Variants in STAR observed in about 807,000 individuals in gnomAD.
STAR encodes the protein steroidogenic acute regulatory protein.
A neutral mutation model predicts 32.3 loss-of-function variants in STAR; 32 were observed. That is an observed-to-expected ratio of 0.99 (90% confidence interval 0.75 to 1.33). The LOEUF (loss-of-function observed/expected upper bound fraction) is 1.33, where lower values mean the gene tolerates loss of function less well. Among genes scored for constraint, STAR ranks in the 40% most tolerant of loss-of-function variants. The pLI, the probability that STAR is intolerant of heterozygous loss-of-function variation, is 0.00. For synonymous variants in STAR, 134 were observed against 140.5 expected (o/e 0.95, Z 0.33); for missense variants, 375 against 379.0 (o/e 0.99, Z 0.09).
At chr8:38,144,650 C>A in intron 6 of STAR, 2 of 1,284,356 alleles carry the variant, frequency 1.6e-6, no homozygotes, top group Non-Finnish European at 2.0e-6. Context: ...GCCTTTTTCA[C>A]CCTTCAGATC....
At chr8:38,145,883 G>A in intron 5 of STAR, 80 bp downstream of exon 5, 1 of 1,573,766 alleles carries the variant, frequency 6.4e-7, no homozygotes, top group South Asian at 1.1e-5. Flanking sequence ...TTGGAGCTGG[G>A]GATGCAGTCC....
intron 3 of STAR, among the ~76,000 whole-genome samples, chr8:38,147,233 C>T (rs1281108868): frequency 6.6e-6 from 1 of 151,988 alleles, no homozygotes; most frequent in Non-Finnish European, 1.5e-5. Context: ...AGCAATTCTC[C>T]AGTCTCGGCC....
Position 38,144,348 on chromosome 8 carries a change from G to A in STAR, c.783C>T (p.Ser261=), listed in dbSNP as rs1428890804. The change falls in exon 7 of 7, where the codon TCC becomes TCT. Residue 261 remains serine (S), a synonymous_variant. Transcript: ENST00000276449. ...LPKSIINQVL[S]QTQVDFANHL... is the part of the protein sequence containing the mutation. ...GGTTGGCAAAATCCACCTGGGTCTG[G>A]GACAGGACCTGGTTGATGATGCTCT... 1.9e-6 allele frequency: 3 copies of A among 1,608,362 alleles called. No homozygotes were observed. Among genetic ancestry groups the A allele is most frequent in the Non-Finnish European group, 2.5e-6 (3 of 1,177,584 alleles).
rs1418052923 is a variant in STAR, at chr8:38,150,799, T to C, written c.20A>G (p.Lys7Arg). ...TCTGTAGGAGCTCCCAGCGCACAGCTTGAATGTCGCTAGCAGCATTGTTTC... is the reference window on the plus strand; with the variant it reads ...TCTGTAGGAGCTCCCAGCGCACAGCCTGAATGTCGCTAGCAGCATTGTTTC... MLLATF[K>R]LCAGSSYRHM... The change falls in exon 1 of 7, where the codon AAG becomes AGG. Residue 7 changes from lysine (K) to arginine (R), a missense_variant. Physicochemically the swap from Lys to Arg is conservative, Grantham distance 26. Transcript: ENST00000276449. 6.2e-7 allele frequency: 1 copy of C among 1,606,670 alleles called. No individual in the cohort carries two copies. The highest frequency in any genetic ancestry group is 1.7e-5 in the Admixed American group (1 of 60,000).
intron 6 of STAR, 180 bp downstream of exon 6, chr8:38,145,042 A>T: frequency 6.9e-7 from 1 of 1,448,848 alleles, no homozygotes; most frequent in Non-Finnish European, 9.0e-7. Context: ...AGAGGGGGCC[A>T]TCACAGGCTT....
intron 3 of STAR, among the ~76,000 whole-genome samples, chr8:38,147,617 A>C (rs1802595962): frequency 6.6e-6 from 1 of 152,236 alleles, no homozygotes; most frequent in Non-Finnish European, 1.5e-5. Context: ...GAAGGGTTCT[A>C]CCTGAACTTT....
rs1424618799 is a variant in STAR at position 38,150,657 on chromosome 8, C to T, written c.64+98G>A. 3 of 1,580,058 alleles carry T rather than the reference C, an allele frequency of 1.9e-6. No individual in the cohort carries two copies. In the East Asian group the frequency reaches 6.7e-5, roughly 35 times the overall value. On this transcript the variant is annotated intron_variant, in intron 1 of 6. Transcript: ENST00000276449. ...AAGGGAAGAAACTTGCCCAGGTTCACCCAGTAAGAGGCACAACTAGGATCA... is the reference window on the plus strand; with the variant it reads ...AAGGGAAGAAACTTGCCCAGGTTCATCCAGTAAGAGGCACAACTAGGATCA...
chr8:38,150,189 G>A (rs761118365), intron 1 of STAR, among the ~76,000 whole-genome samples: 4 of 151,874 alleles, frequency 2.6e-5, no homozygotes, highest in Non-Finnish European at 5.9e-5. Flanking sequence ...CAAGACCAGC[G>A]TGACCAATAT....
intron 1 of STAR, among the ~76,000 whole-genome samples, chr8:38,149,991 T>C (rs1029021413): frequency 1.3e-5 from 2 of 151,924 alleles, no homozygotes; most frequent in Non-Finnish European, 2.9e-5. Context: ...CGTGGTGGCA[T>C]GCACCTGTAA....
chr8:38,145,225 G>C lies in STAR; in HGVS notation c.741C>G (p.Leu247=). The C allele has an allele frequency of 6.2e-7, 1 of 1,614,102 alleles. No individual in the cohort carries two copies. Among genetic ancestry groups the C allele is most frequent in the Admixed American group, 1.7e-5 (1 of 60,022 alleles). ...GTCCCCCTCCCATGCCCTTCACCTT[G>C]AGGTCGATGCTGAGTAGCCACGTAA... The part of the protein sequence containing the change: ...TKLTWLLSID[L]KGWLPKSIIN... The change falls in exon 6 of 7, where the codon CTC becomes CTG. Residue 247 remains leucine, a synonymous_variant. Coordinates refer to ENST00000276449, the MANE Select transcript of STAR (RefSeq NM_000349.3).
chr8:38,149,302 G>A (rs1802629492), intron 1 of STAR, among the ~76,000 whole-genome samples: 2 of 152,186 alleles, frequency 1.3e-5, no homozygotes, highest in Admixed American at 6.5e-5. Flanking sequence ...ACTGCCAGCT[G>A]CAGATCTAAG....
Position 38,147,095 on chromosome 8 carries a change from C to T in STAR, c.307-648G>A, listed in dbSNP as rs570369106. ...CTCAACCTCCTAGGCTCAAGAAATT[C>T]TCCTGCCTCGGCCTCCCAAGTAGCT... On this transcript the variant is annotated intron_variant, in intron 3 of 6. Coordinates refer to ENST00000276449, the MANE Select transcript of STAR (RefSeq NM_000349.3). Among the ~76,000 whole-genome samples, 367 of 151,962 alleles carry T rather than the reference C, an allele frequency of 2.4e-3. 10 individuals carry two copies. The highest frequency in any genetic ancestry group is 6.5e-4 in the Non-Finnish European group (44 of 67,986).
At chr8:38,146,477 G>T in intron 3 of STAR, 30 bp from the exon 4 acceptor site, 1 of 1,611,636 alleles carries the variant, frequency 6.2e-7, no homozygotes, top group Non-Finnish European at 8.5e-7. Flanking sequence ...CCAGAAGGTG[G>T]TTAGACAAAA....
At chr8:38,145,681 C>G (rs1470012808) in intron 5 of STAR, 13 of 571,396 alleles carry the variant, frequency 2.3e-5, no homozygotes, top group Non-Finnish European at 3.7e-5. Context: ...TACAGCTGTT[C>G]CTGAGCGTAC....
rs533026519 is a variant in STAR, at chr8:38,144,042, A to G, written c.*231T>C. The stretch of plus-strand genomic sequence containing the variant: ...TTTTAGGGGCCTGAACCCTCATGTC[A>G]TAGCTAATCAGTGAATGAAGTTACC... On this transcript the variant is annotated 3_prime_UTR_variant, in exon 7 of 7. Coordinates refer to ENST00000276449, the MANE Select transcript of STAR (RefSeq NM_000349.3). 25 of 514,172 alleles carry G rather than the reference A, an allele frequency of 4.9e-5. No homozygotes were observed. Among genetic ancestry groups the G allele is most frequent in the South Asian group, 4.5e-4 (24 of 52,974 alleles). The allele number at this position is 514,172 out of a possible 1,614,324, so 31.9% of individuals were successfully genotyped here. A position where few individuals can be genotyped will look rare whatever the true frequency, so the allele number is the denominator to read the frequency against.
chr8:38,150,841 TGGTGG>T lies in STAR; in HGVS notation c.-28_-24del. ...CATTGTTTCCTGGCAAATGTGGCAG[TGGTGG>T]GGTCGCTGCCGCTGCTGCTGCCGCC... On this transcript the variant is annotated 5_prime_UTR_variant, in exon 1 of 7. Coordinates refer to ENST00000276449, the MANE Select transcript of STAR (RefSeq NM_000349.3). The T allele has an allele frequency of 1.2e-6, 2 of 1,602,988 alleles. No individual in the cohort carries two copies. The highest frequency in any genetic ancestry group is 8.5e-7 in the Non-Finnish European group (1 of 1,179,880).
Position 38,143,306 on chromosome 8 carries a change from T to TA in STAR, c.*966_*967insT, listed in dbSNP as rs1491405105. The stretch of plus-strand genomic sequence containing the variant: ...TGAAGTTGTAATCTACTAGCATAGA[T>TA]TTTTTTTTTTTTTTTTTTGAGATGG... On this transcript the variant is annotated 3_prime_UTR_variant, in exon 7 of 7. Coordinates refer to ENST00000276449, the MANE Select transcript of STAR (RefSeq NM_000349.3). 0.01 allele frequency among the ~76,000 whole-genome samples: 10 copies of TA among 962 alleles called. No homozygotes were observed. The South Asian group carries it at 0.15, about 14-fold the overall frequency. The allele number at this position is 962 out of a possible 152,430, so 0.6% of individuals were successfully genotyped here.
intron 1 of STAR, among the ~76,000 whole-genome samples, 161 bp downstream of exon 1, chr8:38,150,594 C>G (rs1802650164): frequency 6.6e-6 from 1 of 152,072 alleles, no homozygotes; most frequent in Non-Finnish European, 1.5e-5. Context: ...ATCTTAGTAA[C>G]CAGCCCACTT....
At position 38,142,794 on chromosome 8, in the gene STAR, T is replaced by G. The variant is rs1802490187; in HGVS notation, c.*1479A>C. On this transcript the variant is annotated 3_prime_UTR_variant, in exon 7 of 7. Coordinates refer to ENST00000276449, the MANE Select transcript of STAR (RefSeq NM_000349.3). ...CCTTGGCCTCCCAAAGTGCTGAGAT[T>G]ACAGGCGGGAGCCACCTCACATAAA... 6.6e-6 allele frequency among the ~76,000 whole-genome samples: 1 copy of G among 152,098 alleles called. No individual in the cohort carries two copies. The highest frequency in any genetic ancestry group is 1.5e-5 in the Non-Finnish European group (1 of 68,012).
Sources: allele counts gnomAD v4.1 joint callset (sites outside exome capture counted in the v4.1 genomes callset), GRCh38; gene constraint gnomAD v4.1.1; transcripts MANE v1.5; gene names NCBI Gene and HGNC (gene_info 2026-07-23, HGNC 2026-07-21).